Variants in ABCA4 observed in about 807,000 individuals in gnomAD.
ABCA4 encodes the protein retinal-specific phospholipid-transporting ATPase ABCA4.
ABCA4 carries 196 observed loss-of-function variants against 263.7 expected under a neutral mutation model. The observed-to-expected ratio is 0.74, with a 90% CI of 0.66 to 0.84. ABCA4 has a LOEUF of 0.84. Among genes scored for constraint, ABCA4 ranks in the 40% least tolerant of loss-of-function variants. ABCA4 has a pLI of 0.00. For synonymous variants in ABCA4, 1,133 were observed against 1,094.2 expected (o/e 1.04, Z -0.70); for missense variants, 2,792 against 2,855.1 (o/e 0.98, Z 0.50).
In ABCA4 at chr1:94,014,697, G is replaced by A. The variant is rs1659674939; in HGVS notation, c.5313-7C>T. ...CATGGGAATGACCGCCCATCTGTGTGAAATGAGACAACTCAGAGTGATGGA... is the reference window on the plus strand; with the variant it reads ...CATGGGAATGACCGCCCATCTGTGTAAAATGAGACAACTCAGAGTGATGGA... On this transcript the variant is annotated splice_polypyrimidine_tract_variant and splice_region_variant and intron_variant, in intron 37 of 49. Coordinates refer to ENST00000370225, the MANE Select transcript of ABCA4 (RefSeq NM_000350.3). The A allele has an allele frequency of 6.2e-7, 1 of 1,614,162 alleles. No individual in the cohort carries two copies. The highest frequency in any genetic ancestry group is 1.7e-5 in the Admixed American group (1 of 60,028).
At chr1:94,058,254 C>A (rs1359050278) in intron 14 of ABCA4, among the ~76,000 whole-genome samples, 3 of 152,186 alleles carry the variant, frequency 2.0e-5, no homozygotes, top group Non-Finnish European at 4.4e-5. Context: ...TGTGTGTCAC[C>A]CACACGCAGC....
rs568627877 is a variant in ABCA4 at position 94,001,082 on chromosome 1, G to A, written c.6306C>T (p.Asp2102=). The change falls in exon 46 of 50, where the codon GAC becomes GAT. Residue 2102 remains aspartate, a synonymous_variant. Transcript: ENST00000370225. ...VLLDEPTTGM[D]PQARRMLWNV... ...TCCACAGCATGCGGCGTGCCTGGGG[G>A]TCCATCCCTGTGGTGGGCTCATCCT... is the stretch of plus-strand genomic sequence containing the variant. The A allele has an allele frequency of 6.2e-7, 1 of 1,614,068 alleles. No homozygotes were observed. Among genetic ancestry groups the A allele is most frequent in the Non-Finnish European group, 8.5e-7 (1 of 1,180,028 alleles).
At chr1:93,998,704 TTTTATTTTA>T (rs986264445) in intron 47 of ABCA4, among the ~76,000 whole-genome samples, 2 of 147,372 alleles carry the variant, frequency 1.4e-5, no homozygotes, top group Non-Finnish European at 3.0e-5. Flanking sequence ...GTTTTATTTA[TTTTATTTTA>T]TTTATTTTAT....
intron 3 of ABCA4, among the ~76,000 whole-genome samples, chr1:94,109,363 T>C (rs1421074898): frequency 6.6e-6 from 1 of 152,114 alleles, no homozygotes; most frequent in Non-Finnish European, 1.5e-5. Context: ...GACCTGCCCT[T>C]CCACCCATTC....
chr1:94,069,763 G>A (rs1304447767), intron 11 of ABCA4, among the ~76,000 whole-genome samples: 6 of 152,174 alleles, frequency 3.9e-5, no homozygotes, highest in Non-Finnish European at 5.9e-5. Flanking sequence ...GTTAGAGGCC[G>A]AAGGCACTGC....
At chr1:94,114,131 C>G (rs1662684856) in intron 1 of ABCA4, among the ~76,000 whole-genome samples, 1 of 152,138 alleles carries the variant, frequency 6.6e-6, no homozygotes, top group Non-Finnish European at 1.5e-5. Context: ...TTCATGTAAC[C>G]CTTTGTTGTT....
intron 44 of ABCA4, among the ~76,000 whole-genome samples, chr1:94,003,573 A>G (rs1035844201): frequency 6.6e-6 from 1 of 152,086 alleles, no homozygotes. Context: ...TAAAATTATT[A>G]TGTTTCTCCC....
Position 94,023,388 on chromosome 1 carries a change from CTG to C in ABCA4, c.4663_4664del (p.Gln1555GlufsTer41). The C allele has an allele frequency of 6.2e-7, 1 of 1,607,060 alleles. No homozygotes were observed. On this transcript the variant is annotated frameshift_variant, in exon 32 of 50. Coordinates refer to ENST00000370225, the MANE Select transcript of ABCA4 (RefSeq NM_000350.3). LOFTEE classifies it high-confidence loss of function. ...TTCTGATAAAAATAGTTTCTTACCT[CTG>C]TTCATTGACCCAGAATTTGCTCTTT... ...SLKSKFWVNE[Q>X]RYGGISIGGK...
intron 1 of ABCA4, among the ~76,000 whole-genome samples, chr1:94,117,007 TTTCTTTCTTTCTTTCTTTCC>T (rs1662801026): frequency 8.6e-6 from 1 of 116,162 alleles, no homozygotes; most frequent in Non-Finnish European, 1.9e-5. Flanking sequence ...TCTTTCTTTC[TTTCTTTCTTTCTTTCTTTCC>T]TTTTCTTTCT....
chr1:93,996,911 A>C (rs1454830369), intron 48 of ABCA4, among the ~76,000 whole-genome samples: 1 of 152,224 alleles, frequency 6.6e-6, no homozygotes, highest in Non-Finnish European at 1.5e-5. Context: ...ACACTGTATG[A>C]TTCCACTTAT....
rs1287845760 is a variant in ABCA4 at position 94,021,703 on chromosome 1, A to C, written c.4785T>G (p.Thr1595=). ...RIMNVSGGPI[T]REASKEIPDF... ...CAGGTATTTCTTTAGAGGCCTCTCT[A>C]GTGATAGGGCCCTAAAAACCATGTA... The change falls in exon 34 of 50, where the codon ACT becomes ACG. Residue 1595 remains threonine (T), a synonymous_variant. Transcript: ENST00000370225. The C allele has an allele frequency of 6.2e-7, 1 of 1,613,206 alleles. No individual in the cohort carries two copies. The highest frequency in any genetic ancestry group is 1.1e-5 in the South Asian group (1 of 90,940).
chr1:94,081,440 A>C (rs1661698639), intron 7 of ABCA4, among the ~76,000 whole-genome samples: 1 of 152,192 alleles, frequency 6.6e-6, no homozygotes, highest in African/African-American at 2.4e-5. Context: ...TGATTGGGGA[A>C]TGATTCTGTT....
At chr1:94,109,516 A>G (rs184779671) in intron 3 of ABCA4, among the ~76,000 whole-genome samples, 49 of 152,284 alleles carry the variant, frequency 3.2e-4, no homozygotes, top group African/African-American at 1.1e-3. Context: ...GTTCCCAGGA[A>G]TTTGGATGGT....
intron 11 of ABCA4, among the ~76,000 whole-genome samples, chr1:94,069,150 G>A (rs1661344346): frequency 6.6e-6 from 1 of 152,224 alleles, no homozygotes; most frequent in Admixed American, 6.5e-5. Context: ...GGAGAATGCA[G>A]TCATTTGTTT....
chr1:94,073,233 T>C (rs142667034), intron 11 of ABCA4, among the ~76,000 whole-genome samples: 9 of 152,278 alleles, frequency 5.9e-5, no homozygotes, highest in African/African-American at 1.9e-4. Flanking sequence ...CCCGCTATCT[T>C]CTCCTTTCTG....
Position 94,062,876 on chromosome 1 carries a change from T to C in ABCA4, c.1761-123A>G, listed in dbSNP as rs1661170614. ...CTTTCTCCTAAACGCTTCAAAAGGA[T>C]CCAATTCTATTTCCTAGTCCTCAGT... On this transcript the variant is annotated intron_variant, in intron 12 of 49. Transcript: ENST00000370225. 10 of 1,160,318 alleles carry C rather than the reference T, an allele frequency of 8.6e-6. No homozygotes were observed. The South Asian group carries it at 1.2e-4, about 14-fold the overall frequency. The allele number at this position is 1,160,318 out of a possible 1,614,324, so 71.9% of individuals were successfully genotyped here. A position where few individuals can be genotyped will look rare whatever the true frequency, so the allele number is the denominator to read the frequency against.
intron 6 of ABCA4, among the ~76,000 whole-genome samples, chr1:94,092,638 G>C (rs1479424862): frequency 6.6e-6 from 1 of 152,192 alleles, no homozygotes; most frequent in African/African-American, 2.4e-5. Flanking sequence ...GTCTCAACTA[G>C]AGGGTGGGCT....
chr1:94,078,890 T>G (rs752914116), intron 9 of ABCA4, among the ~76,000 whole-genome samples, 184 bp from the exon 10 acceptor site: 1 of 152,220 alleles, frequency 6.6e-6, no homozygotes, highest in Non-Finnish European at 1.5e-5. Flanking sequence ...CTTCCTGGGC[T>G]GACAGAATCT....
Position 94,010,811 on chromosome 1 carries a change from G to A in ABCA4, c.5703C>T (p.Phe1901=), listed in dbSNP as rs1352712795. 3.7e-6 allele frequency: 6 copies of A among 1,614,030 alleles called. No individual in the cohort carries two copies. The South Asian group carries it at 6.6e-5, about 18-fold the overall frequency. Residue 1901 remains phenylalanine (F), a synonymous_variant, in exon 40 of 50, where the codon TTC becomes TTT. Transcript: ENST00000370225. ...TGGCATGGACGTACCATTGGGAGAG[G>A]AAGAAGTGGCGCTGGACCAGCAGGG... is the stretch of plus-strand genomic sequence containing the variant. ...LLTLLVQRHF[F]LSQWIAEPTK...
Sources: allele counts gnomAD v4.1 joint callset (sites outside exome capture counted in the v4.1 genomes callset), GRCh38; gene constraint gnomAD v4.1.1; transcripts MANE v1.5; gene names NCBI Gene and HGNC (gene_info 2026-07-23, HGNC 2026-07-21).